DIP2C: variants seen among roughly 807,000 people sequenced by gnomAD.
The protein encoded by DIP2C is disco-interacting protein 2 homolog C.
A neutral mutation model predicts 192.4 loss-of-function variants in DIP2C; 33 were observed. The ratio of observed to expected loss-of-function variants is 0.17; its 90% CI spans 0.13 to 0.23. The LOEUF (loss-of-function observed/expected upper bound fraction) is 0.23. Among genes scored for constraint, DIP2C ranks in the 10% least tolerant of loss-of-function variants. The probability of loss-of-function intolerance (pLI) is 1.00; values close to 1 mark genes in which losing one functional copy is unlikely to be tolerated. For synonymous variants in DIP2C, 979 were observed against 864.1 expected (o/e 1.13, Z -2.33); for missense variants, 1,537 against 2,110.1 (o/e 0.73, Z 5.32).
intron 1 of DIP2C, among the ~76,000 whole-genome samples, chr10:590,036 T>C (rs1033329662): frequency 3.9e-5 from 6 of 152,066 alleles, no homozygotes; most frequent in African/African-American, 1.2e-4. Flanking sequence ...AGGAGAAAGG[T>C]AGGAGTGGTT....
chr10:538,582 CCTGTGCTCT>C (rs1276569952), intron 1 of DIP2C, among the ~76,000 whole-genome samples: 1 of 152,138 alleles, frequency 6.6e-6, no homozygotes, highest in Non-Finnish European at 1.5e-5. Context: ...ATGGGGCCTG[CCTGTGCTCT>C]CAGATCTAAG....
chr10:444,412 C>T (rs73573659), intron 3 of DIP2C, among the ~76,000 whole-genome samples: 100 of 111,690 alleles, frequency 9.0e-4, no homozygotes, highest in African/African-American at 6.3e-3. Context: ...TGTTCCTTGG[C>T]GCTCTTCCAT....
chr10:570,839 G>A (rs1049020628), intron 1 of DIP2C, among the ~76,000 whole-genome samples: 2 of 152,244 alleles, frequency 1.3e-5, no homozygotes, highest in African/African-American at 2.4e-5. Context: ...CGCAGAGCAT[G>A]GAGCTCTGGT....
intron 1 of DIP2C, among the ~76,000 whole-genome samples, chr10:680,221 A>G (rs921779771): frequency 1.3e-5 from 2 of 152,180 alleles, no homozygotes; most frequent in Non-Finnish European, 2.9e-5. Flanking sequence ...CTCAAGCAGC[A>G]CAGAAGAAGG....
chr10:584,155 A>G (rs530050119), intron 1 of DIP2C, among the ~76,000 whole-genome samples: 4 of 152,150 alleles, frequency 2.6e-5, no homozygotes, highest in African/African-American at 4.8e-5. Flanking sequence ...GCACCCCCAC[A>G]TAACTAAAAA....
intron 3 of DIP2C, among the ~76,000 whole-genome samples, 186 bp downstream of exon 3, chr10:472,253 C>T (rs556587690): frequency 9.9e-5 from 15 of 152,202 alleles, no homozygotes; most frequent in Non-Finnish European, 1.6e-4. Context: ...TTGTAAACCA[C>T]GTGAAGAGCT....
At chr10:326,357 T>G (rs778794774) in intron 31 of DIP2C, among the ~76,000 whole-genome samples, 1 of 152,016 alleles carries the variant, frequency 6.6e-6, no homozygotes. Flanking sequence ...GCAGCAACCT[T>G]AAGCAATCAC....
chr10:528,153 C>T (rs1847165191), intron 1 of DIP2C, among the ~76,000 whole-genome samples: 1 of 152,090 alleles, frequency 6.6e-6, no homozygotes, highest in African/African-American at 2.4e-5. Flanking sequence ...AGAAAACCTC[C>T]TTGGTTCCTC....
At chr10:522,167 G>C (rs368898541) in intron 1 of DIP2C, among the ~76,000 whole-genome samples, 1 of 151,906 alleles carries the variant, frequency 6.6e-6, no homozygotes, top group Non-Finnish European at 1.5e-5. Flanking sequence ...CTGTCCTGTC[G>C]TTGGACTCAG....
chr10:282,848 AG>A (rs1197265597), intron 35 of DIP2C, among the ~76,000 whole-genome samples: 1 of 152,230 alleles, frequency 6.6e-6, no homozygotes, highest in Non-Finnish European at 1.5e-5. Context: ...GGGCAGACCC[AG>A]TCCTAGAAGC....
chr10:590,711 C>T (rs75364629), intron 1 of DIP2C, among the ~76,000 whole-genome samples: 2,141 of 152,312 alleles, frequency 0.014, 21 homozygotes, highest in Non-Finnish European at 0.023. Flanking sequence ...CATATCTTCA[C>T]TTACCTAGTG....
intron 1 of DIP2C, among the ~76,000 whole-genome samples, chr10:620,436 T>C (rs547869225): frequency 6.6e-6 from 1 of 152,242 alleles, no homozygotes; most frequent in East Asian, 1.9e-4. Flanking sequence ...GGGCTGGATC[T>C]CCAGCACCCA....
In DIP2C at chr10:472,431, G is replaced by A. The variant is rs370766970; in HGVS notation, c.268+8C>T. On this transcript the variant is annotated splice_region_variant and intron_variant, in intron 3 of 36. Transcript: ENST00000280886. Reference sequence around the variant, plus strand: ...TGGACGTATTGTATCACCCCACCCCGTGCTTACCTGACCGATAGCGCTCAT... The same window carrying A: ...TGGACGTATTGTATCACCCCACCCCATGCTTACCTGACCGATAGCGCTCAT... 82 of 1,613,130 alleles carry A rather than the reference G, an allele frequency of 5.1e-5. 2 individuals are homozygous for A. The highest frequency in any genetic ancestry group is 3.1e-4 in the South Asian group (28 of 91,052).
At chr10:340,668 C>A in intron 29 of DIP2C, 2 of 427,554 alleles carry the variant, frequency 4.7e-6, no homozygotes. Flanking sequence ...TTTTTCTGGT[C>A]ATTCATTCAT....
At chr10:607,799 T>G (rs1035065292) in intron 1 of DIP2C, among the ~76,000 whole-genome samples, 6 of 152,020 alleles carry the variant, frequency 3.9e-5, no homozygotes, top group African/African-American at 1.5e-4. Context: ...GAATCACAAT[T>G]TATAATCTTC....
chr10:470,701 C>A (rs935028581), intron 3 of DIP2C, among the ~76,000 whole-genome samples: 1 of 152,194 alleles, frequency 6.6e-6, no homozygotes, highest in African/African-American at 2.4e-5. Flanking sequence ...GTAGGAAACA[C>A]GCAGTGGCGA....
At chr10:370,624 G>C (rs1032789209) in intron 17 of DIP2C, among the ~76,000 whole-genome samples, 2 of 152,162 alleles carry the variant, frequency 1.3e-5, no homozygotes, top group Non-Finnish European at 2.9e-5. Flanking sequence ...CTGAATTTGC[G>C]AACAAATAAG....
intron 1 of DIP2C, among the ~76,000 whole-genome samples, chr10:611,374 T>G (rs1052834972): frequency 2.0e-5 from 3 of 152,206 alleles, no homozygotes; most frequent in Non-Finnish European, 1.5e-5. Flanking sequence ...AGTGGAAGAA[T>G]AGCGCAGGCC....
chr10:510,055 C>CCA (rs1327298236), intron 1 of DIP2C, among the ~76,000 whole-genome samples: 2 of 152,208 alleles, frequency 1.3e-5, no homozygotes, highest in African/African-American at 4.8e-5. Context: ...AGCCAAGGTC[C>CCA]CACTTTAACA....
Sources: gnomAD v4.1 joint callset for allele counts (sites outside exome capture counted in the v4.1 genomes callset) on GRCh38, gnomAD v4.1.1 for gene constraint, MANE v1.5 for transcripts, NCBI Gene and HGNC (gene_info 2026-07-23, HGNC 2026-07-21) for gene names.